The following BRWD3 variants were observed in gnomAD, a reference collection of about 807,000 sequenced individuals.
BRWD3 encodes bromodomain and WD repeat-containing protein 3.
In BRWD3, 10 loss-of-function variants were observed where a neutral mutation model predicts 149.7. That is an observed-to-expected ratio of 0.07 (90% confidence interval 0.04 to 0.11). BRWD3 has a LOEUF of 0.11. Among genes scored for constraint, BRWD3 ranks in the 10% least tolerant of loss-of-function variants. The pLI is 1.00. For synonymous variants in BRWD3, 504 were observed against 456.7 expected (o/e 1.10, Z -1.32); for missense variants, 940 against 1,373.2 (o/e 0.68, Z 4.99).
intron 39 of BRWD3, 66 bp from the exon 40 acceptor site, chrX:80,681,565 C>G (rs2072447571): frequency 1.1e-6 from 1 of 873,642 alleles, no homozygotes; most frequent in African/African-American, 2.0e-5. Context: ...AAACAGGCTA[C>G]TTTTTGAAAC....
At chrX:80,781,471 G>A (rs1417121340) in intron 6 of BRWD3, among the ~76,000 whole-genome samples, 1 of 111,157 alleles carries the variant, frequency 9.0e-6, no homozygotes, top group Admixed American at 9.7e-5. Flanking sequence ...GTCGGCCTGG[G>A]AAATCCAGCT....
At chrX:80,790,942 C>G (rs1048502641) in intron 6 of BRWD3, among the ~76,000 whole-genome samples, 8 of 111,532 alleles carry the variant, frequency 7.2e-5, no homozygotes, top group Admixed American at 5.7e-4. Flanking sequence ...TGAGACTCAA[C>G]TTTTCCAAGT....
intron 20 of BRWD3, among the ~76,000 whole-genome samples, chrX:80,711,448 C>T (rs959977335): frequency 3.1e-4 from 35 of 111,930 alleles, no homozygotes; most frequent in African/African-American, 1.0e-3. Context: ...ATATTTTAAC[C>T]GCAAATATGT....
At chrX:80,695,597 A>C (rs2072677368) in intron 27 of BRWD3, among the ~76,000 whole-genome samples, 1 of 111,556 alleles carries the variant, frequency 9.0e-6, no homozygotes. Flanking sequence ...AACAAATCAC[A>C]ATCAGTAATC....
intron 21 of BRWD3, among the ~76,000 whole-genome samples, chrX:80,707,813 C>T (rs980690054): frequency 6.3e-5 from 7 of 111,475 alleles, no homozygotes; most frequent in African/African-American, 2.3e-4. Flanking sequence ...TTTCAAAATG[C>T]CTATATGTCT....
In BRWD3 at chrX:80,673,769, C is replaced by T. The variant is rs2072341352; in HGVS notation, c.*2840G>A. 9.0e-6 allele frequency: 1 copy of T among 111,459 alleles called. No homozygotes were observed. Among genetic ancestry groups the T allele is most frequent in the Non-Finnish European group, 1.9e-5 (1 of 52,910 alleles). The allele number at this position is 111,459 out of a possible 1,213,427, so 9.2% of individuals were successfully genotyped here. On this transcript the variant is annotated 3_prime_UTR_variant, in exon 41 of 41. Coordinates refer to ENST00000373275, the MANE Select transcript of BRWD3 (RefSeq NM_153252.5). ...AGGATTAGGTTTATACATGTATATG[C>T]TCTCACGGGCCTAAATATAACAGTG...
intron 24 of BRWD3, among the ~76,000 whole-genome samples, chrX:80,700,539 C>A (rs1295115587): frequency 2.1e-5 from 2 of 97,236 alleles, no homozygotes; most frequent in Non-Finnish European, 4.2e-5. Flanking sequence ...GAGTTTGAGA[C>A]CAGCCTGACC....
At chrX:80,737,945 A>ACAGT (rs1183003705) in intron 8 of BRWD3, among the ~76,000 whole-genome samples, 5 of 112,697 alleles carry the variant, frequency 4.4e-5, no homozygotes, top group Non-Finnish European at 9.4e-5. Flanking sequence ...TTATTGGAAC[A>ACAGT]CAGTCGCCTT....
chrX:80,735,728 C>G (rs1448116049), intron 9 of BRWD3, among the ~76,000 whole-genome samples: 1 of 104,245 alleles, frequency 9.6e-6, no homozygotes, highest in Non-Finnish European at 2.0e-5. Context: ...GGCATGAACC[C>G]GGAAGGCGGA....
rs2072555651 is a variant in BRWD3, at chrX:80,687,932, A to G, written c.3864+137T>C. On this transcript the variant is annotated intron_variant, in intron 34 of 40. Transcript: ENST00000373275. ...CCCTTACTGCATCACTCTAATAAAT[A>G]TTATCAATGAGCATACCTAATATAC... 19 of 520,535 alleles carry G rather than the reference A, an allele frequency of 3.7e-5. No homozygotes were observed. The East Asian group carries it at 6.5e-4, about 18-fold the overall frequency. The allele number at this position is 520,535 out of a possible 1,213,427, so 42.9% of individuals were successfully genotyped here.
intron 40 of BRWD3, 63 bp from the exon 41 acceptor site, chrX:80,677,426 T>A: frequency 8.7e-7 from 1 of 1,149,762 alleles, no homozygotes. Context: ...GTTATTTAGG[T>A]TCAAAAACAG....
At chrX:80,700,860 A>T (rs2072776612) in intron 24 of BRWD3, among the ~76,000 whole-genome samples, 2 of 111,544 alleles carry the variant, frequency 1.8e-5, no homozygotes, top group Non-Finnish European at 3.8e-5. Flanking sequence ...GAGATAATTT[A>T]AAGTATATAG....
At chrX:80,700,459 G>A (rs1411539319) in intron 24 of BRWD3, among the ~76,000 whole-genome samples, 3 of 4,501 alleles carry the variant, frequency 6.7e-4, no homozygotes, top group African/African-American at 2.1e-3. Context: ...CAATTAGGCC[G>A]GGCATGGTGG....
At chrX:80,695,545 G>A (rs1266320843) in intron 27 of BRWD3, among the ~76,000 whole-genome samples, 1 of 111,339 alleles carries the variant, frequency 9.0e-6, no homozygotes, top group Non-Finnish European at 1.9e-5. Flanking sequence ...AGGGTGGGAA[G>A]GTGACAGGGA....
chrX:80,771,400 G>A (rs1032263921), intron 6 of BRWD3, among the ~76,000 whole-genome samples: 16 of 111,442 alleles, frequency 1.4e-4, no homozygotes, highest in African/African-American at 4.6e-4. Flanking sequence ...TACCAAAACA[G>A]ATATATAGAC....
chrX:80,748,021 T>G (rs939304007), intron 6 of BRWD3, among the ~76,000 whole-genome samples: 72 of 111,587 alleles, frequency 6.5e-4, no homozygotes, highest in African/African-American at 2.2e-3. Context: ...GGGCATCTTT[T>G]TATTAGAGAT....
intron 20 of BRWD3, among the ~76,000 whole-genome samples, chrX:80,712,675 C>T (rs1459895292): frequency 3.7e-5 from 4 of 109,429 alleles, no homozygotes; most frequent in African/African-American, 6.7e-5. Flanking sequence ...AGCGTCTCTG[C>T]CCAGCCGCCA....
At position 80,703,522 on chromosome X, in the gene BRWD3, A is replaced by G; in HGVS notation, c.2793T>C (p.Thr931=). The G allele has an allele frequency of 3.3e-6, 4 of 1,208,065 alleles. No homozygotes were observed. The highest frequency in any genetic ancestry group is 4.5e-6 in the Non-Finnish European group (4 of 893,536). The change falls in exon 24 of 41, where the codon ACT becomes ACC. Residue 931 remains threonine, a synonymous_variant. Coordinates refer to ENST00000373275, the MANE Select transcript of BRWD3 (RefSeq NM_153252.5). ...GGACAAATGGGGAACGTCGGGGTATAGTATCCAAGATCCACTGAGGGGCAA... is the reference window on the plus strand; with the variant it reads ...GGACAAATGGGGAACGTCGGGGTATGGTATCCAAGATCCACTGAGGGGCAA... ...EWFAPQWILD[T]IPRRSPFVPQ... is the part of the protein sequence containing the mutation.
intron 6 of BRWD3, among the ~76,000 whole-genome samples, chrX:80,779,020 A>G (rs1166227051): frequency 2.7e-5 from 3 of 111,220 alleles, no homozygotes; most frequent in Non-Finnish European, 3.8e-5. Flanking sequence ...ATTTAATTAG[A>G]AAACAGAACG....
Sources: gnomAD v4.1 joint callset for allele counts (sites outside exome capture counted in the v4.1 genomes callset) on GRCh38, gnomAD v4.1.1 for gene constraint, MANE v1.5 for transcripts, NCBI Gene and HGNC (gene_info 2026-07-23, HGNC 2026-07-21) for gene names.